Variants in SPICE1 observed in about 807,000 individuals in gnomAD.
The protein encoded by SPICE1 is spindle and centriole associated protein 1, also known as spindle and centriole-associated protein 1.
In SPICE1, 75 loss-of-function variants were observed where a neutral mutation model predicts 102.7. The observed-to-expected ratio is 0.73, with a 90% CI of 0.61 to 0.88. The LOEUF (loss-of-function observed/expected upper bound fraction) is 0.88. Among genes scored for constraint, SPICE1 ranks in the 40% least tolerant of loss-of-function variants. The pLI is 0.00. For synonymous variants in SPICE1, 308 were observed against 350.3 expected (o/e 0.88, Z 1.35); for missense variants, 979 against 1,020.1 (o/e 0.96, Z 0.55).
chr3:113,479,283 T>C (rs969702394), intron 7 of SPICE1, among the ~76,000 whole-genome samples: 1 of 151,426 alleles, frequency 6.6e-6, no homozygotes, highest in Non-Finnish European at 1.5e-5. Flanking sequence ...ATTTCATCCA[T>C]GTCCCTACAA....
At chr3:113,513,165 G>A (rs145567134) in intron 1 of SPICE1, among the ~76,000 whole-genome samples, 1,689 of 152,182 alleles carry the variant, frequency 0.011, 35 homozygotes, top group African/African-American at 0.038. Flanking sequence ...CCAGCAACTC[G>A]GGAGGCTGAG....
At chr3:113,503,731 G>A (rs910696101) in intron 2 of SPICE1, among the ~76,000 whole-genome samples, 1 of 151,950 alleles carries the variant, frequency 6.6e-6, no homozygotes, top group Non-Finnish European at 1.5e-5. Context: ...TCAGGAGTTC[G>A]AGAACAGCCA....
At chr3:113,510,131 C>T (rs1164081738) in intron 1 of SPICE1, among the ~76,000 whole-genome samples, 1 of 152,042 alleles carries the variant, frequency 6.6e-6, no homozygotes, top group African/African-American at 2.4e-5. Context: ...AACAATTAAC[C>T]CTTTTCCCAA....
intron 7 of SPICE1, among the ~76,000 whole-genome samples, chr3:113,475,065 G>T (rs1263836021): frequency 1.3e-5 from 2 of 151,900 alleles, no homozygotes; most frequent in Non-Finnish European, 2.9e-5. Flanking sequence ...AAAGAAAGAA[G>T]AATCAAATAG....
At chr3:113,464,009 A>G (rs559775943) in intron 11 of SPICE1, among the ~76,000 whole-genome samples, 9 of 152,208 alleles carry the variant, frequency 5.9e-5, no homozygotes, top group African/African-American at 1.9e-4. Flanking sequence ...CAGAGCTTGC[A>G]GTGAGCTGAG....
At chr3:113,447,953 C>A in intron 16 of SPICE1, 85 bp downstream of exon 16, 1 of 1,278,742 alleles carries the variant, frequency 7.8e-7, no homozygotes, top group Non-Finnish European at 1.1e-6. Context: ...ATACTGTACA[C>A]TTCCTTTTTT....
At chr3:113,499,199 C>A in intron 4 of SPICE1, 2 of 320,050 alleles carry the variant, frequency 6.2e-6, no homozygotes, top group Non-Finnish European at 1.1e-5. Context: ...AAAATTCAGG[C>A]TGAAAAGTTA....
intron 11 of SPICE1, among the ~76,000 whole-genome samples, chr3:113,462,434 C>T (rs1247871438): frequency 6.6e-6 from 1 of 152,216 alleles, no homozygotes; most frequent in Non-Finnish European, 1.5e-5. Flanking sequence ...GATTCCATTA[C>T]ATTCCTTTTG....
chr3:113,465,594 C>A, intron 11 of SPICE1, 59 bp downstream of exon 11: 1 of 1,485,994 alleles, frequency 6.7e-7, no homozygotes, highest in South Asian at 1.2e-5. Context: ...GAATCCAGTA[C>A]ATGTTTAAAG....
At position 113,457,252 on chromosome 3, in the gene SPICE1, T is replaced by C. The variant is rs1559958631; in HGVS notation, c.1541A>G (p.Asp514Gly). The change falls in exon 13 of 18, where the codon GAC becomes GGC. Residue 514 changes from aspartate (D) to glycine (G), a missense_variant. By Grantham distance (94) the Asp-to-Gly change is moderately conservative. Transcript: ENST00000295872. Reference protein sequence around the residue: ...ELPVKLSQVPDPPDNMNLAKN... With the variant: ...ELPVKLSQVPGPPDNMNLAKN... ...GGCCAGATTCATGTTATCTGGAGGG[T>C]CTGGCACCTGAGACAGTTTAACGGG... is the stretch of plus-strand genomic sequence containing the variant. The C allele has an allele frequency of 2.5e-6, 4 of 1,614,124 alleles. No homozygotes were observed. Among genetic ancestry groups the C allele is most frequent in the Non-Finnish European group, 2.5e-6 (3 of 1,180,030 alleles).
chr3:113,460,130 A>C (rs746708306), intron 12 of SPICE1: 5 of 985,350 alleles, frequency 5.1e-6, no homozygotes. Flanking sequence ...CATGAGATGA[A>C]GGAAGAATTT....
Position 113,453,869 on chromosome 3 carries a change from TC to T in SPICE1, c.1738del (p.Glu580LysfsTer77), listed in dbSNP as rs1935719038. ...TGTATCAATAGGTAAGGTCTTCTCT[TC>T]CCAATTTTGTTCCTTCTCAATTATT... ...VEIIEKEQNW[E>X]EKTLPIDTDI... On this transcript the variant is annotated frameshift_variant, in exon 14 of 18. Coordinates refer to ENST00000295872, the MANE Select transcript of SPICE1 (RefSeq NM_144718.4). LOFTEE classifies it high-confidence loss of function. 6.2e-7 allele frequency: 1 copy of T among 1,614,102 alleles called. No homozygotes were observed. The highest frequency in any genetic ancestry group is 1.3e-5 in the African/African-American group (1 of 74,942).
chr3:113,488,149 G>A (rs80317315), intron 7 of SPICE1, among the ~76,000 whole-genome samples: 6,520 of 152,150 alleles, frequency 0.043, 168 homozygotes, highest in East Asian at 0.1. Flanking sequence ...AAGGTCTATG[G>A]ATTAGATAAT....
chr3:113,459,889 A>AT, intron 12 of SPICE1: 1 of 702,282 alleles, frequency 1.4e-6, no homozygotes, highest in Non-Finnish European at 1.7e-6. Context: ...CTCAAAAAGA[A>AT]AAAAAAAAAA....
At chr3:113,480,615 T>A (rs2107480120) in intron 7 of SPICE1, among the ~76,000 whole-genome samples, 1 of 152,298 alleles carries the variant, frequency 6.6e-6, no homozygotes, top group South Asian at 2.1e-4. Flanking sequence ...CTCATATGAT[T>A]ATCTCTATAG....
chr3:113,470,312 G>A (rs1483668150), intron 7 of SPICE1, among the ~76,000 whole-genome samples: 1 of 152,204 alleles, frequency 6.6e-6, no homozygotes, highest in Non-Finnish European at 1.5e-5. Context: ...ATATTCTGGA[G>A]AGAAGGGCAA....
Position 113,450,511 on chromosome 3 carries a change from A to G in SPICE1, c.2148T>C (p.Phe716=). 6.3e-7 allele frequency: 1 copy of G among 1,588,844 alleles called. No homozygotes were observed. Among genetic ancestry groups the G allele is most frequent in the Non-Finnish European group, 8.6e-7 (1 of 1,168,760 alleles). ...QESASDMTST[F]PVAQSLTPGS... ...CTGGTGTTAGAGACTGTGCTACTGGAAAAGTCTTTGGGAGAAAAAAAAAAA... is the reference window on the plus strand; with the variant it reads ...CTGGTGTTAGAGACTGTGCTACTGGGAAAGTCTTTGGGAGAAAAAAAAAAA... The change falls in exon 15 of 18, where the codon TTT becomes TTC. Residue 716 remains phenylalanine, a synonymous_variant. Coordinates refer to ENST00000295872, the MANE Select transcript of SPICE1 (RefSeq NM_144718.4).
At chr3:113,503,405 T>C (rs1428614696) in intron 2 of SPICE1, among the ~76,000 whole-genome samples, 178 bp from the exon 3 acceptor site, 3 of 152,182 alleles carry the variant, frequency 2.0e-5, no homozygotes, top group Admixed American at 6.5e-5. Flanking sequence ...AGGTGTCCTA[T>C]TTATAGAAAA....
chr3:113,453,866 TCTTCCCAATTTTGTTC>T lies in SPICE1; in HGVS notation c.1726_1741del (p.Glu576ArgfsTer76). 6.2e-7 allele frequency: 1 copy of T among 1,614,240 alleles called. No homozygotes were observed. Among genetic ancestry groups the T allele is most frequent in the Non-Finnish European group, 8.5e-7 (1 of 1,180,036 alleles). Reference sequence around the variant, plus strand: ...GTCTGTATCAATAGGTAAGGTCTTCTCTTCCCAATTTTGTTCCTTCTCAATTATTTCCACAGTTGGA... The same window carrying T: ...GTCTGTATCAATAGGTAAGGTCTTCTCTTCTCAATTATTTCCACAGTTGGA... On this transcript the variant is annotated frameshift_variant, in exon 14 of 18. Coordinates refer to ENST00000295872, the MANE Select transcript of SPICE1 (RefSeq NM_144718.4). LOFTEE classifies it high-confidence loss of function.
Sources: gnomAD v4.1 joint callset for allele counts (sites outside exome capture counted in the v4.1 genomes callset) on GRCh38, gnomAD v4.1.1 for gene constraint, MANE v1.5 for transcripts, NCBI Gene and HGNC (gene_info 2026-07-23, HGNC 2026-07-21) for gene names.